TMED3: variants seen among roughly 807,000 people sequenced by gnomAD.
The protein encoded by TMED3 is transmembrane p24 trafficking protein 3.
In TMED3, 9 loss-of-function variants were observed where a neutral mutation model predicts 15.0. The observed-to-expected ratio is 0.60, with a 90% CI of 0.36 to 1.04. TMED3 has a LOEUF of 1.04. Ranked by LOEUF, TMED3 falls within the 50% of genes least tolerant of loss-of-function variation. The probability of loss-of-function intolerance (pLI) is 0.01; values close to 1 mark genes in which losing one functional copy is unlikely to be tolerated. For synonymous variants in TMED3, 117 were observed against 121.4 expected, an observed-to-expected ratio of 0.96 and a Z score of 0.24; for missense variants, 267 against 278.9, an observed-to-expected ratio of 0.96 and a Z score of 0.30.
intron 2 of TMED3, among the ~76,000 whole-genome samples, chr15:79,339,875 AGTGGTGATG>A (rs55690597): frequency 0.1 from 15,045 of 149,264 alleles, 795 homozygotes; most frequent in Admixed American, 0.13. Flanking sequence ...TGATGATGGT[AGTGGTGATG>A]GTGGTGATGG....
At position 79,377,782 on chromosome 15, in the gene TMED3, G is replaced by A. The variant is rs574891756; in HGVS notation, c.418-33618G>A. ...CTGCCTCAGCCTCCCGAGTAGCTGG[G>A]ACTACAGGCGCCCGCCACCGCGCCG... On this transcript the variant is annotated intron_variant, in intron 2 of 2. Transcript: ENST00000424155. Among the ~76,000 whole-genome samples, 21 of 152,112 alleles carry A rather than the reference G, an allele frequency of 1.4e-4. No individual in the cohort carries two copies. In the East Asian group the frequency reaches 3.9e-3, roughly 28 times the overall value.
intron 2 of TMED3, among the ~76,000 whole-genome samples, chr15:79,399,816 C>T (rs1183148423): frequency 6.6e-6 from 1 of 152,174 alleles, no homozygotes; most frequent in African/African-American, 2.4e-5. Flanking sequence ...CTCTTATCTG[C>T]AGTGACAGCT....
chr15:79,350,070 A>G (rs1166249137), intron 2 of TMED3, among the ~76,000 whole-genome samples: 1 of 152,156 alleles, frequency 6.6e-6, no homozygotes, highest in Non-Finnish European at 1.5e-5. Context: ...TTGTGGCTGT[A>G]TCCCAGTGCC....
intron 2 of TMED3, among the ~76,000 whole-genome samples, chr15:79,339,629 G>T (rs1398615487): frequency 6.6e-6 from 1 of 152,206 alleles, no homozygotes; most frequent in African/African-American, 2.4e-5. Flanking sequence ...CAGTGATGGT[G>T]GCGGCAGTGC....
At chr15:79,410,604 A>G (rs1048262215) in intron 2 of TMED3, among the ~76,000 whole-genome samples, 10 of 152,184 alleles carry the variant, frequency 6.6e-5, no homozygotes, top group South Asian at 6.2e-4. Flanking sequence ...GACCTACAAA[A>G]TATTCCTTGA....
intron 2 of TMED3, among the ~76,000 whole-genome samples, chr15:79,371,878 G>A (rs1230608246): frequency 3.9e-5 from 6 of 152,154 alleles, no homozygotes; most frequent in Non-Finnish European, 8.8e-5. Context: ...GCAGTGGCAG[G>A]TCATTGTTTA....
chr15:79,369,053 C>T (rs1289282665), intron 2 of TMED3, among the ~76,000 whole-genome samples: 7 of 151,160 alleles, frequency 4.6e-5, no homozygotes, highest in Admixed American at 4.6e-4. Context: ...GAGATCGCAC[C>T]ACTGTACTCC....
chr15:79,377,813 A>T (rs896226375), intron 2 of TMED3, among the ~76,000 whole-genome samples: 1 of 152,010 alleles, frequency 6.6e-6, no homozygotes, highest in Non-Finnish European at 1.5e-5. Flanking sequence ...CGCCGGGCCA[A>T]TTTTTTGTAC....
chr15:79,359,698 C>G (rs1290089764), intron 2 of TMED3, among the ~76,000 whole-genome samples: 1 of 152,104 alleles, frequency 6.6e-6, no homozygotes, highest in Non-Finnish European at 1.5e-5. Context: ...ATTGAGAGAT[C>G]AAGGTCTCAG....
At chr15:79,329,981 A>G (rs995810115) in intron 2 of TMED3, among the ~76,000 whole-genome samples, 3 of 152,272 alleles carry the variant, frequency 2.0e-5, no homozygotes, top group Admixed American at 2.0e-4. Context: ...TAAAAATGAC[A>G]GCAACAGGAT....
chr15:79,365,836 A>G (rs184048359), intron 2 of TMED3, among the ~76,000 whole-genome samples: 1 of 152,338 alleles, frequency 6.6e-6, no homozygotes, highest in African/African-American at 2.4e-5. Flanking sequence ...CTTTCACAGC[A>G]GCAAGAATCC....
chr15:79,356,972 A>G (rs2058921724), intron 2 of TMED3, among the ~76,000 whole-genome samples: 1 of 152,210 alleles, frequency 6.6e-6, no homozygotes, highest in African/African-American at 2.4e-5. Flanking sequence ...ATTCCGGGAA[A>G]CAAGGGAAAG....
intron 2 of TMED3, among the ~76,000 whole-genome samples, chr15:79,378,176 G>A (rs764891634): frequency 2.0e-5 from 3 of 151,936 alleles, no homozygotes; most frequent in Non-Finnish European, 4.4e-5. Context: ...AAATTCTTCC[G>A]GATTGAATTA....
intron 2 of TMED3, among the ~76,000 whole-genome samples, chr15:79,409,803 A>T (rs1026665846): frequency 6.6e-6 from 1 of 152,198 alleles, no homozygotes; most frequent in Admixed American, 6.5e-5. Flanking sequence ...GAAGAGGCCA[A>T]GGTTCTAGTT....
chr15:79,399,761 G>T (rs1030593879), intron 2 of TMED3, among the ~76,000 whole-genome samples: 1 of 152,192 alleles, frequency 6.6e-6, no homozygotes, highest in Non-Finnish European at 1.5e-5. Flanking sequence ...CTCTGGAAAG[G>T]CTAAATAAAA....
intron 2 of TMED3, among the ~76,000 whole-genome samples, chr15:79,344,023 A>C (rs1360479060): frequency 6.6e-6 from 1 of 152,206 alleles, no homozygotes; most frequent in African/African-American, 2.4e-5. Context: ...ATAAATATGT[A>C]GATAGAAGGT....
At chr15:79,328,819 A>G (rs1450669716) in intron 2 of TMED3, among the ~76,000 whole-genome samples, 1 of 152,192 alleles carries the variant, frequency 6.6e-6, no homozygotes, top group East Asian at 1.9e-4. Context: ...CTGGGGGCAG[A>G]GGCCCCTGGA....
chr15:79,385,783 C>A (rs1330402142), intron 2 of TMED3, among the ~76,000 whole-genome samples: 7 of 152,232 alleles, frequency 4.6e-5, no homozygotes, highest in African/African-American at 1.7e-4. Context: ...TACAGTGGCA[C>A]CTGGGGAGCT....
intron 2 of TMED3, among the ~76,000 whole-genome samples, chr15:79,317,667 A>C (rs2058746670): frequency 6.6e-6 from 1 of 152,208 alleles, no homozygotes; most frequent in African/African-American, 2.4e-5. Context: ...TGATACATAC[A>C]TGTATACACT....
Sources: allele counts gnomAD v4.1 joint callset (sites outside exome capture counted in the v4.1 genomes callset), GRCh38; gene constraint gnomAD v4.1.1; transcripts MANE v1.5; gene names NCBI Gene and HGNC (gene_info 2026-07-23, HGNC 2026-07-21).